DCHS2: variants seen among roughly 807,000 people sequenced by gnomAD.
DCHS2 encodes the protein dachsous cadherin-related 2.
DCHS2 carries 142 observed loss-of-function variants against 182.4 expected under a neutral mutation model. The ratio of observed to expected loss-of-function variants is 0.78; its 90% confidence interval spans 0.68 to 0.89. DCHS2 has a LOEUF of 0.89. DCHS2 is among the 40% of genes least tolerant of loss of function. The pLI, the probability that DCHS2 is intolerant of heterozygous loss-of-function variation, is 0.00. For missense variants in DCHS2, 4,319 were observed against 4,198.6 expected (o/e 1.03, Z -0.79); for synonymous variants, 1,740 against 1,663.3 (o/e 1.05, Z -1.12).
chr4:154,370,402 AAAG>A (rs1017688662), intron 2 of DCHS2, among the ~76,000 whole-genome samples: 4 of 152,296 alleles, frequency 2.6e-5, no homozygotes, highest in East Asian at 1.9e-4. Flanking sequence ...TGCTGTGAAG[AAAG>A]AAGAAGAATA....
In DCHS2 at chr4:154,491,757, C is replaced by A. The variant is rs765148231; in HGVS notation, c.-402G>T. On this transcript the variant is annotated 5_prime_UTR_variant, in exon 1 of 20. Transcript: ENST00000357232. Reference sequence around the variant, plus strand: ...GAGGAGATTATATGAAGCGCGCACACACAAGGAGAGGATGGGGATCTGGCC... The same window carrying A: ...GAGGAGATTATATGAAGCGCGCACAAACAAGGAGAGGATGGGGATCTGGCC... The A allele has an allele frequency of 1.2e-5, 12 of 1,005,420 alleles. No individual in the cohort carries two copies. The highest frequency in any genetic ancestry group is 1.7e-5 in the African/African-American group (1 of 57,618). The allele number at this position is 1,005,420 out of a possible 1,614,324, so 62.3% of individuals were successfully genotyped here. A position where few individuals can be genotyped will look rare whatever the true frequency, so the allele number is the denominator to read the frequency against.
chr4:154,471,213 AG>A (rs1735453955), intron 1 of DCHS2, among the ~76,000 whole-genome samples: 1 of 152,230 alleles, frequency 6.6e-6, no homozygotes, highest in Non-Finnish European at 1.5e-5. Context: ...TGTCTCCGAC[AG>A]CCCAGTTTTT....
intron 7 of DCHS2, among the ~76,000 whole-genome samples, chr4:154,326,274 C>G (rs940142317): frequency 6.6e-6 from 1 of 152,036 alleles, no homozygotes; most frequent in Non-Finnish European, 1.5e-5. Context: ...ATTCTTTGTC[C>G]AATTTTATTA....
intron 17 of DCHS2, 111 bp downstream of exon 17, chr4:154,242,531 G>C (rs1731874132): frequency 3.6e-6 from 5 of 1,383,956 alleles, no homozygotes; most frequent in African/African-American, 1.5e-5. Flanking sequence ...GATCTAGTTT[G>C]CTTGGTTGTT....
intron 1 of DCHS2, among the ~76,000 whole-genome samples, chr4:154,446,216 G>A (rs1734279005): frequency 6.6e-6 from 1 of 152,166 alleles, no homozygotes; most frequent in African/African-American, 2.4e-5. Flanking sequence ...GAAATCTGAA[G>A]GTTAAAGAGG....
intron 3 of DCHS2, among the ~76,000 whole-genome samples, chr4:154,345,015 A>C (rs1431058851): frequency 6.6e-6 from 1 of 152,110 alleles, no homozygotes; most frequent in Non-Finnish European, 1.5e-5. Context: ...ACACAGAAGA[A>C]AGCATGAAAA....
At chr4:154,271,736 AG>A (rs1320911683) in intron 13 of DCHS2, among the ~76,000 whole-genome samples, 1 of 152,174 alleles carries the variant, frequency 6.6e-6, no homozygotes, top group Admixed American at 6.6e-5. Context: ...GTTTTGTAAA[AG>A]TATTTTTTTA....
intron 2 of DCHS2, among the ~76,000 whole-genome samples, chr4:154,367,459 A>T (rs989572812): frequency 6.6e-6 from 1 of 152,140 alleles, no homozygotes; most frequent in Admixed American, 6.6e-5. Context: ...GGAATGCAGC[A>T]CCTAAAGTAG....
At chr4:154,256,780 A>G (rs1249114106) in intron 15 of DCHS2, among the ~76,000 whole-genome samples, 1 of 152,042 alleles carries the variant, frequency 6.6e-6, no homozygotes, top group African/African-American at 2.4e-5. Flanking sequence ...TTTCATTCTA[A>G]TTTCCTACCA....
At chr4:154,453,037 A>G (rs1364850256) in intron 1 of DCHS2, among the ~76,000 whole-genome samples, 1 of 152,204 alleles carries the variant, frequency 6.6e-6, no homozygotes, top group Non-Finnish European at 1.5e-5. Flanking sequence ...CTAAGCTCAC[A>G]GCGAGGTGTA....
intron 7 of DCHS2, 127 bp downstream of exon 7, chr4:154,327,966 C>T (rs2404704): frequency 0.92 from 493,483 of 534,030 alleles, 233,368 homozygotes; most frequent in Non-Finnish European, 0.98. Context: ...TAACTTGGTG[C>T]TTTTTCAAAA....
chr4:154,294,209 T>C (rs1450428022), intron 13 of DCHS2, among the ~76,000 whole-genome samples: 1 of 152,180 alleles, frequency 6.6e-6, no homozygotes, highest in African/African-American at 2.4e-5. Context: ...AAAACCACCT[T>C]TTAAGAGACT....
chr4:154,422,470 G>A (rs1256776946), intron 1 of DCHS2, among the ~76,000 whole-genome samples: 4 of 151,988 alleles, frequency 2.6e-5, no homozygotes, highest in African/African-American at 4.8e-5. Flanking sequence ...AATATATCCT[G>A]AAACATCCAC....
intron 1 of DCHS2, among the ~76,000 whole-genome samples, chr4:154,482,998 G>A (rs1735979887): frequency 6.6e-6 from 1 of 152,174 alleles, no homozygotes; most frequent in South Asian, 2.1e-4. Flanking sequence ...ACAGAATTGA[G>A]GGCCTGGCTG....
At chr4:154,258,037 A>G (rs1301320025) in intron 15 of DCHS2, among the ~76,000 whole-genome samples, 4 of 152,208 alleles carry the variant, frequency 2.6e-5, no homozygotes, top group African/African-American at 7.2e-5. Flanking sequence ...CAAGGTGGCA[A>G]TGGAGGCATC....
At chr4:154,311,912 A>G (rs1375208612) in intron 10 of DCHS2, among the ~76,000 whole-genome samples, 1 of 152,032 alleles carries the variant, frequency 6.6e-6, no homozygotes, top group African/African-American at 2.4e-5. Flanking sequence ...TTTAACAGTG[A>G]TTGTCTCTGA....
chr4:154,438,969 T>C (rs1733888767), intron 1 of DCHS2, among the ~76,000 whole-genome samples: 1 of 152,208 alleles, frequency 6.6e-6, no homozygotes, highest in Admixed American at 6.5e-5. Flanking sequence ...ATTGTTGAGT[T>C]TGTGGCTTTG....
chr4:154,471,327 C>A (rs993011798), intron 1 of DCHS2, among the ~76,000 whole-genome samples: 1 of 152,146 alleles, frequency 6.6e-6, no homozygotes, highest in Non-Finnish European at 1.5e-5. Context: ...TTATTTATTG[C>A]AGCATAGGTC....
In DCHS2 at chr4:154,490,909, A is replaced by C; in HGVS notation, c.447T>G (p.Ala149=). The C allele has an allele frequency of 1.3e-6, 2 of 1,551,242 alleles. No individual in the cohort carries two copies. Among genetic ancestry groups the C allele is most frequent in the East Asian group, 2.4e-5 (1 of 40,894 alleles). Residue 149 remains alanine, a synonymous_variant, in exon 1 of 20, where the codon GCT becomes GCG. Coordinates refer to ENST00000357232, the MANE Select transcript of DCHS2 (RefSeq NM_001358235.2). ...YSFVAATLLG[A]VVQVEIRVND... ...TGACGCGAATCTCCACCTGCACCAC[A>C]GCGCCCAGCAGCGTGGCGGCGACGA...
Sources: gnomAD v4.1 joint callset for allele counts (sites outside exome capture counted in the v4.1 genomes callset) on GRCh38, gnomAD v4.1.1 for gene constraint, MANE v1.5 for transcripts, NCBI Gene and HGNC (gene_info 2026-07-23, HGNC 2026-07-21) for gene names.